PDHX: variants seen among roughly 807,000 people sequenced by gnomAD.
The protein encoded by PDHX is pyruvate dehydrogenase complex component X, also known as pyruvate dehydrogenase protein X component, mitochondrial.
PDHX carries 33 observed loss-of-function variants against 55.3 expected under a neutral mutation model. The ratio of observed to expected loss-of-function variants is 0.60; its 90% CI spans 0.45 to 0.80. PDHX has a LOEUF of 0.80. Among genes scored for constraint, PDHX ranks in the 30% least tolerant of loss-of-function variants. The pLI is 0.00. For synonymous variants in PDHX, 226 were observed against 219.4 expected, an observed-to-expected ratio of 1.03 and a Z score of -0.27; for missense variants, 622 against 619.9, an observed-to-expected ratio of 1.00 and a Z score of -0.04.
chr11:34,961,995 G>T (rs1454653605), intron 5 of PDHX, among the ~76,000 whole-genome samples: 3 of 152,208 alleles, frequency 2.0e-5, no homozygotes, highest in African/African-American at 7.2e-5. Flanking sequence ...GTCTCTACCA[G>T]TCTGTGCCTT....
chr11:34,969,589 G>A (rs1165193101), intron 6 of PDHX, among the ~76,000 whole-genome samples: 1 of 152,026 alleles, frequency 6.6e-6, no homozygotes, highest in Non-Finnish European at 1.5e-5. Flanking sequence ...TGATCCACCT[G>A]CCTCAGCCTC....
At chr11:34,916,286 G>A, upstream of PDHX, 3 of 1,612,184 alleles carry the variant, frequency 1.9e-6, no homozygotes, top group African/African-American at 1.3e-5. Context: ...GCCAGACATG[G>A]CCCAGACCAG....
chr11:34,917,000 G>C (rs971902217), intron 1 of PDHX, among the ~76,000 whole-genome samples, 185 bp downstream of exon 1: 7 of 152,264 alleles, frequency 4.6e-5, no homozygotes, highest in African/African-American at 1.7e-4. Context: ...TTTCTTGGCA[G>C]CTGAGAGAAC....
intron 7 of PDHX, among the ~76,000 whole-genome samples, chr11:34,974,737 A>T (rs985099000): frequency 6.6e-6 from 1 of 152,100 alleles, no homozygotes; most frequent in African/African-American, 2.4e-5. Flanking sequence ...ACGAGACCCT[A>T]TCTCTACAAA....
chr11:34,947,479 C>T, intron 2 of PDHX, 27 bp from the exon 3 acceptor site: 1 of 1,516,342 alleles, frequency 6.6e-7, no homozygotes, highest in Non-Finnish European at 9.2e-7. Flanking sequence ...TTTTAAAAAA[C>T]AAAACAAACC....
At chr11:34,916,594 G>A (rs1853711837), upstream of PDHX, 2 of 1,591,366 alleles carry the variant, frequency 1.3e-6, no homozygotes, top group Non-Finnish European at 1.7e-6. Context: ...CCATGCGGGA[G>A]GCGGGGCCTT....
At chr11:34,980,352 C>CTTTTTTTTTTTTT (rs57927359) in intron 8 of PDHX, among the ~76,000 whole-genome samples, 836 of 74,732 alleles carry the variant, frequency 0.011, 214 homozygotes, top group African/African-American at 0.028. Context: ...AAGATAGTTT[C>CTTTTTTTTTTTTT]TTTTTTTTTT....
At chr11:34,980,079 A>G (rs556356611) in intron 8 of PDHX, among the ~76,000 whole-genome samples, 1 of 151,236 alleles carries the variant, frequency 6.6e-6, no homozygotes, top group Admixed American at 6.6e-5. Flanking sequence ...TAAAAAATCA[A>G]TTTTAAAAGC....
chr11:34,920,687 G>A (rs987692273), intron 1 of PDHX, among the ~76,000 whole-genome samples: 1 of 152,102 alleles, frequency 6.6e-6, no homozygotes, highest in Admixed American at 6.5e-5. Context: ...CGCCTACTCT[G>A]TATTACATCT....
upstream of PDHX, chr11:34,916,338 G>T: frequency 6.3e-7 from 1 of 1,598,926 alleles, no homozygotes; most frequent in Non-Finnish European, 8.5e-7. Flanking sequence ...TTTGCGCGCG[G>T]CGCTTAGCCT....
rs577008297 is a variant in PDHX, at chr11:34,930,784, G to T, written c.161-620G>T. Among the ~76,000 whole-genome samples, 16 of 152,324 alleles carry T rather than the reference G, an allele frequency of 1.1e-4. No homozygotes were observed. The South Asian group carries it at 3.1e-3, about 30-fold the overall frequency. The stretch of plus-strand genomic sequence containing the variant: ...ACTTCTCTGGATCCCCAGTTGAATT[G>T]TGGTATGCAACAAAATGTGAGGTTA... On this transcript the variant is annotated intron_variant, in intron 1 of 10. Transcript: ENST00000227868.
At position 34,957,557 on chromosome 11, in the gene PDHX, GA is replaced by G. The variant is rs1565159944; in HGVS notation, c.518del (p.Lys173ArgfsTer12). The G allele has an allele frequency of 6.2e-7, 1 of 1,613,764 alleles. No homozygotes were observed. Among genetic ancestry groups the G allele is most frequent in the South Asian group, 1.1e-5 (1 of 91,050 alleles). On this transcript the variant is annotated frameshift_variant, in exon 4 of 11. Transcript: ENST00000227868. LOFTEE classifies it high-confidence loss of function. ...AACCACAGATTTCCATCCCTGTCAAGAAGGAACACATACCCGGGACACTACG... is the reference window on the plus strand; with the variant it reads ...AACCACAGATTTCCATCCCTGTCAAGAGGAACACATACCCGGGACACTACG... ...PEPQISIPVK[K>X]EHIPGTLRFR...
intron 7 of PDHX, chr11:34,977,672 TTC>T (rs1855408825): frequency 9.4e-6 from 4 of 427,802 alleles, no homozygotes; most frequent in South Asian, 6.8e-5. Flanking sequence ...TGTATCACTG[TTC>T]TAGTATAATC....
chr11:34,946,034 C>A (rs189043478), intron 2 of PDHX, among the ~76,000 whole-genome samples: 115 of 152,278 alleles, frequency 7.6e-4, no homozygotes, highest in African/African-American at 2.7e-3. Context: ...AACATTGCAG[C>A]CTCAGTCTTT....
chr11:34,932,418 G>A (rs1004406869), intron 2 of PDHX, among the ~76,000 whole-genome samples: 1 of 152,138 alleles, frequency 6.6e-6, no homozygotes, highest in Non-Finnish European at 1.5e-5. Flanking sequence ...AAGAAAGTGG[G>A]CGATACATGA....
intron 9 of PDHX, among the ~76,000 whole-genome samples, chr11:34,985,185 G>A (rs756077731): frequency 6.6e-6 from 1 of 152,230 alleles, no homozygotes; most frequent in African/African-American, 2.4e-5. Flanking sequence ...TCTCACGCCT[G>A]TAATGCCAGC....
rs180967260 is a variant in PDHX at position 34,923,118 on chromosome 11, T to G, written c.160+6303T>G. Among the ~76,000 whole-genome samples the G allele has an allele frequency of 2.3e-4, 35 of 152,256 alleles. No individual in the cohort carries two copies. In the East Asian group the frequency reaches 6.6e-3, roughly 29 times the overall value. On this transcript the variant is annotated intron_variant, in intron 1 of 10. Coordinates refer to ENST00000227868, the MANE Select transcript of PDHX (RefSeq NM_003477.3). The stretch of plus-strand genomic sequence containing the variant: ...TGCTATCTAAAAATTCTGGCTAACC[T>G]CTTTTCTAATGTGCCATTGGATACT...
chr11:34,958,074 A>G lies in PDHX; in HGVS notation c.542+491A>G, dbSNP rs192745947. ...AGCTCAATTTTGTCTGTTCTGTAAC[A>G]AAACAGATAACTTAATACACATCAT... On this transcript the variant is annotated intron_variant, in intron 4 of 10. Transcript: ENST00000227868. Among the ~76,000 whole-genome samples the G allele has an allele frequency of 4.0e-3, 614 of 152,354 alleles. 3 individuals carry two copies. Among genetic ancestry groups the G allele is most frequent in the African/African-American group, 0.014 (592 of 41,586 alleles).
intron 2 of PDHX, among the ~76,000 whole-genome samples, chr11:34,946,333 T>A (rs374937786): frequency 3.4e-4 from 52 of 152,314 alleles, no homozygotes; most frequent in African/African-American, 1.1e-3. Flanking sequence ...CTTTCATTTA[T>A]GTTTTTGGAT....
Sources: gnomAD v4.1 joint callset for allele counts (sites outside exome capture counted in the v4.1 genomes callset) on GRCh38, gnomAD v4.1.1 for gene constraint, MANE v1.5 for transcripts, NCBI Gene and HGNC (gene_info 2026-07-23, HGNC 2026-07-21) for gene names.